Variants in PRDM2 observed in about 807,000 individuals in gnomAD.
PRDM2 encodes PR domain zinc finger protein 2.
In PRDM2, 30 loss-of-function variants were observed where a neutral mutation model predicts 130.0. The observed-to-expected ratio is 0.23, with a 90% confidence interval of 0.17 to 0.31. The LOEUF (loss-of-function observed/expected upper bound fraction) is 0.31. PRDM2 is among the 10% of genes least tolerant of loss of function. PRDM2 has a pLI of 1.00. For synonymous variants in PRDM2, 871 were observed against 782.4 expected (o/e 1.11, Z -1.89); for missense variants, 2,011 against 2,108.4 (o/e 0.95, Z 0.90).
chr1:13,802,005 C>T (rs534863502), intron 8 of PRDM2, among the ~76,000 whole-genome samples: 7 of 152,242 alleles, frequency 4.6e-5, no homozygotes, highest in Non-Finnish European at 1.0e-4. Flanking sequence ...CCTCCGTAGG[C>T]TCCTCGTGTG....
At chr1:13,814,805 G>A (rs1248658463) in intron 8 of PRDM2, among the ~76,000 whole-genome samples, 1 of 152,214 alleles carries the variant, frequency 6.6e-6, no homozygotes, top group Admixed American at 6.5e-5. Flanking sequence ...CCTGGAGCAG[G>A]TAGGGTTCCG....
intron 6 of PRDM2, among the ~76,000 whole-genome samples, chr1:13,753,935 G>A (rs1643891619): frequency 6.6e-6 from 1 of 152,200 alleles, no homozygotes; most frequent in Admixed American, 6.5e-5. Flanking sequence ...AAAATGACAA[G>A]GGTCCCTGTT....
intron 8 of PRDM2, among the ~76,000 whole-genome samples, chr1:13,793,561 A>G (rs1294801677): frequency 8.5e-5 from 13 of 152,228 alleles, no homozygotes; most frequent in Non-Finnish European, 7.3e-5. Context: ...ACTGAGAAAC[A>G]TAAGTTTCTA....
At chr1:13,727,757 A>G (rs1642970498) in intron 2 of PRDM2, among the ~76,000 whole-genome samples, 1 of 152,264 alleles carries the variant, frequency 6.6e-6, no homozygotes, top group Non-Finnish European at 1.5e-5. Flanking sequence ...ATAGAAATAA[A>G]TAAATAGAGT....
chr1:13,783,624 T>C (rs1644672314), intron 8 of PRDM2, among the ~76,000 whole-genome samples: 1 of 152,196 alleles, frequency 6.6e-6, no homozygotes, highest in Non-Finnish European at 1.5e-5. Flanking sequence ...GCTTCCTATA[T>C]TAAGAACTGT....
chr1:13,816,510 C>A lies in PRDM2; in HGVS notation c.5120C>A (p.Ala1707Asp). ...TRQYRKVKAP[A>D]AAQFQGPFFK... ...CAGTATAGGAAGGTCAAAGCTCCAG[C>A]TGCAGCCCAGTTCCAGGGACCATTC... Residue 1707 changes from alanine to aspartate, a missense_variant, in exon 9 of 10, where the codon GCT (alanine) becomes GAT (aspartate). Transcript: ENST00000311066. The A allele has an allele frequency of 6.2e-7, 1 of 1,614,178 alleles. No homozygotes were observed. The highest frequency in any genetic ancestry group is 8.5e-7 in the Non-Finnish European group (1 of 1,180,006).
In PRDM2 at chr1:13,780,762, C is replaced by T. The variant is rs1469939022; in HGVS notation, c.2967C>T (p.Leu989=). The T allele has an allele frequency of 3.8e-6, 6 of 1,572,500 alleles. No individual in the cohort carries two copies. The highest frequency in any genetic ancestry group is 1.7e-4 in the Middle Eastern group (1 of 5,860). The change falls in exon 8 of 10, where the codon CTC becomes CTT. Residue 989 remains leucine, a synonymous_variant. Transcript: ENST00000311066. ...CTGTTGCCACTCCGCCCCCTCCCCT[C>T]CTTCCTACCGTACCTCTTCCAGCCC... ...VLTVATPPPP[L]LPTVPLPAPS... is the part of the protein sequence containing the mutation.
chr1:13,751,300 A>G (rs1643830189), intron 6 of PRDM2, among the ~76,000 whole-genome samples: 1 of 152,208 alleles, frequency 6.6e-6, no homozygotes, highest in Non-Finnish European at 1.5e-5. Context: ...TGGGCAGCCT[A>G]TAACCCAGAA....
At chr1:13,814,762 C>T (rs1048083848) in intron 8 of PRDM2, among the ~76,000 whole-genome samples, 5 of 152,238 alleles carry the variant, frequency 3.3e-5, no homozygotes, top group Non-Finnish European at 7.3e-5. Context: ...TTCCCGCCTC[C>T]TGTTCCCGCA....
At chr1:13,805,191 G>T (rs1645068487) in intron 8 of PRDM2, among the ~76,000 whole-genome samples, 1 of 152,184 alleles carries the variant, frequency 6.6e-6, no homozygotes, top group Admixed American at 6.5e-5. Context: ...GTGCTCAGTG[G>T]ATGATGCGAT....
chr1:13,805,520 G>A (rs762254865), intron 8 of PRDM2, among the ~76,000 whole-genome samples: 11 of 152,144 alleles, frequency 7.2e-5, no homozygotes, highest in East Asian at 1.9e-4. Context: ...GCTGAGGGCC[G>A]ATGGCTCCCA....
At chr1:13,764,070 A>G (rs1442870162) in intron 6 of PRDM2, among the ~76,000 whole-genome samples, 2 of 152,192 alleles carry the variant, frequency 1.3e-5, no homozygotes, top group Non-Finnish European at 2.9e-5. Flanking sequence ...ATTCATCAGG[A>G]TGCAGTATTG....
intron 8 of PRDM2, among the ~76,000 whole-genome samples, chr1:13,794,357 GT>G (rs1644888699): frequency 6.6e-6 from 1 of 152,146 alleles, no homozygotes; most frequent in Non-Finnish European, 1.5e-5. Context: ...CATTATGTTT[GT>G]TTACTCTATG....
rs1644447378 is a variant in PRDM2, at chr1:13,775,136, C to G, written c.622+1948C>G. On this transcript the variant is annotated intron_variant, in intron 7 of 9. Coordinates refer to ENST00000311066, the MANE Select transcript of PRDM2 (RefSeq NM_001393986.1). ...CTCTTCTTTGTGCTCCCAAACCTCC[C>G]TTTATGTTCAAAACTCCAGAGACCA... Among the ~76,000 whole-genome samples the G allele has an allele frequency of 3.3e-5, 5 of 152,358 alleles. No individual in the cohort carries two copies. In the South Asian group the frequency reaches 1.0e-3, roughly 32 times the overall value.
chr1:13,781,337 G>A lies in PRDM2; in HGVS notation c.3542G>A (p.Arg1181His). 1 of 1,614,094 alleles carries A rather than the reference G, an allele frequency of 6.2e-7. No individual in the cohort carries two copies. The highest frequency in any genetic ancestry group is 8.5e-7 in the Non-Finnish European group (1 of 1,180,008). The stretch of plus-strand genomic sequence containing the variant: ...GATAAAACGGACTTGTCAGAACATC[G>A]CTTTTTGCTTCATGGAGTTGGGAAT... ...FKDKTDLSEH[R>H]FLLHGVGNIF... is the part of the protein sequence containing the mutation. Residue 1181 changes from arginine to histidine, a missense_variant, in exon 8 of 10, where the codon CGC (arginine) becomes CAC (histidine). Physicochemically the swap from Arg to His is conservative, Grantham distance 29 (BLOSUM62 0). Around this residue, in one of 5 missense-constraint regions of PRDM2, gnomAD observed 229 missense variants for 364.1 expected, o/e 0.63. Coordinates refer to ENST00000311066, the MANE Select transcript of PRDM2 (RefSeq NM_001393986.1). This position sits in a 1 kb window ranked among gnomAD's most constrained non-coding sequence, Gnocchi z 6.1.
chr1:13,769,939 T>A (rs1020921716), intron 6 of PRDM2, among the ~76,000 whole-genome samples: 1 of 151,826 alleles, frequency 6.6e-6, no homozygotes, highest in Non-Finnish European at 1.5e-5. Flanking sequence ...GAAGGGGGGG[T>A]GCCACTAGCA....
At chr1:13,767,457 A>G (rs1217515048) in intron 6 of PRDM2, among the ~76,000 whole-genome samples, 3 of 149,998 alleles carry the variant, frequency 2.0e-5, no homozygotes, top group Non-Finnish European at 4.4e-5. Flanking sequence ...ACGCACAGCT[A>G]ATTTTTTCTA....
At chr1:13,768,305 G>A (rs563079221) in intron 6 of PRDM2, among the ~76,000 whole-genome samples, 9 of 151,638 alleles carry the variant, frequency 5.9e-5, no homozygotes, top group African/African-American at 2.2e-4. Context: ...GGATGGTCTC[G>A]ATCTCCTGAC....
rs372191253 is a variant in PRDM2, at chr1:13,778,950, C to T, written c.1155C>T (p.Thr385=). The change falls in exon 8 of 10, where the codon ACC becomes ACT. Residue 385 remains threonine (T), a synonymous_variant. Coordinates refer to ENST00000311066, the MANE Select transcript of PRDM2 (RefSeq NM_001393986.1). ...GTCACATGCATATCCATATATCCAC[C>T]GTCAATCATGCTTTCAAATGCAAGT... The part of the protein sequence containing the change: ...LERHMHIHIS[T]VNHAFKCKYC... The T allele has an allele frequency of 2.7e-4, 433 of 1,614,180 alleles. 3 individuals carry two copies. The highest frequency in any genetic ancestry group is 5.3e-4 in the Admixed American group (32 of 60,020).
Sources: gnomAD v4.1 joint callset for allele counts (sites outside exome capture counted in the v4.1 genomes callset) on GRCh38, gnomAD v4.1.1 for gene constraint, gnomAD v4.1.1 regional missense constraint, Gnocchi (gnomAD v3.1) non-coding constraint, MANE v1.5 for transcripts, NCBI Gene and HGNC (gene_info 2026-07-23, HGNC 2026-07-21) for gene names.